CCDC85A: variants seen among roughly 807,000 people sequenced by gnomAD.
CCDC85A encodes the protein coiled-coil domain-containing protein 85A.
In CCDC85A, 38 loss-of-function variants were observed where a neutral mutation model predicts 50.2. The observed-to-expected ratio is 0.76, with a 90% confidence interval of 0.58 to 0.99. The LOEUF (loss-of-function observed/expected upper bound fraction) is 0.99. Ranked by LOEUF, CCDC85A falls within the 50% of genes least tolerant of loss-of-function variation. The pLI is 0.00. For synonymous variants in CCDC85A, 366 were observed against 301.4 expected (o/e 1.21, Z -2.22); for missense variants, 820 against 742.0 (o/e 1.11, Z -1.22).
chr2:56,352,445 G>T (rs773286544), intron 3 of CCDC85A, among the ~76,000 whole-genome samples: 4 of 152,056 alleles, frequency 2.6e-5, no homozygotes, highest in Non-Finnish European at 5.9e-5. Context: ...TCCCTGGTTC[G>T]AGTGATTCTC....
Position 56,184,541 on chromosome 2 carries a change from G to A in CCDC85A, c.-84G>A, listed in dbSNP as rs1675907579. 4 of 1,334,580 alleles carry A rather than the reference G, an allele frequency of 3.0e-6. No individual in the cohort carries two copies. Among genetic ancestry groups the A allele is most frequent in the Non-Finnish European group, 3.8e-6 (4 of 1,043,868 alleles). 82.7% of individuals were successfully genotyped at this position (1,334,580 alleles called of 1,614,324 possible). On this transcript the variant is annotated 5_prime_UTR_variant, in exon 1 of 6. Transcript: ENST00000407595. ...ACTCGCCGGAGCGCACAGGGGTGTGGGCGGAGGCGGCCTCGCCGCGCCCGC... is the reference window on the plus strand; with the variant it reads ...ACTCGCCGGAGCGCACAGGGGTGTGAGCGGAGGCGGCCTCGCCGCGCCCGC...
rs141057453 is a variant in CCDC85A, at chr2:56,353,772, T to C, written c.1317+10817T>C. Among the ~76,000 whole-genome samples the C allele has an allele frequency of 3.9e-3, 598 of 152,278 alleles. 6 individuals carry two copies. Among genetic ancestry groups the C allele is most frequent in the African/African-American group, 0.014 (564 of 41,572 alleles). ...TGTCCTTTAAATCCAGTGCAACATT[T>C]TGAAGAGAGCCAAAAACTAGGAACA... On this transcript the variant is annotated intron_variant, in intron 3 of 5. Coordinates refer to ENST00000407595, the MANE Select transcript of CCDC85A (RefSeq NM_001080433.2).
chr2:56,297,168 C>A (rs545808559), intron 2 of CCDC85A, among the ~76,000 whole-genome samples: 1 of 152,088 alleles, frequency 6.6e-6, no homozygotes, highest in African/African-American at 2.4e-5. Flanking sequence ...AAGTGCATTA[C>A]AAATGCTTCC....
At chr2:56,333,914 C>G (rs919934947) in intron 2 of CCDC85A, among the ~76,000 whole-genome samples, 1 of 152,202 alleles carries the variant, frequency 6.6e-6, no homozygotes, top group Non-Finnish European at 1.5e-5. Context: ...ATTCCTGTCT[C>G]AAGCTGCTGT....
intron 2 of CCDC85A, among the ~76,000 whole-genome samples, chr2:56,246,007 C>T: frequency 6.6e-6 from 1 of 152,210 alleles, no homozygotes; most frequent in East Asian, 1.9e-4. Context: ...TCGCTGCAAC[C>T]TCCACCTCCT....
At chr2:56,273,120 AG>A (rs1248712813) in intron 2 of CCDC85A, among the ~76,000 whole-genome samples, 1 of 152,176 alleles carries the variant, frequency 6.6e-6, no homozygotes, top group Non-Finnish European at 1.5e-5. Context: ...AAAAATTCAA[AG>A]GAAAGTTTGG....
At chr2:56,235,168 T>C (rs1194487837) in intron 2 of CCDC85A, 7 of 152,136 alleles carry the variant, frequency 4.6e-5, no homozygotes, top group Admixed American at 2.6e-4. Flanking sequence ...TTATCCCTAA[T>C]CTGCAAGCTT....
Position 56,373,338 on chromosome 2 carries a change from A to G in CCDC85A, c.1452+860A>G, listed in dbSNP as rs537575402. Reference sequence around the variant, plus strand: ...CACTGTATACTCCAGGCAAAATACTATTGTAGCCCCCATCCCATTTTTTAA... The same window carrying G: ...CACTGTATACTCCAGGCAAAATACTGTTGTAGCCCCCATCCCATTTTTTAA... On this transcript the variant is annotated intron_variant, in intron 4 of 5. Transcript: ENST00000407595. 2.0e-5 allele frequency among the ~76,000 whole-genome samples: 3 copies of G among 152,090 alleles called. No individual in the cohort carries two copies. In the South Asian group the frequency reaches 6.2e-4, roughly 32 times the overall value.
chr2:56,304,609 A>C (rs1418095071), intron 2 of CCDC85A, among the ~76,000 whole-genome samples: 1 of 152,206 alleles, frequency 6.6e-6, no homozygotes, highest in Non-Finnish European at 1.5e-5. Context: ...GAAATATTGA[A>C]ATAGTAAATG....
intron 2 of CCDC85A, among the ~76,000 whole-genome samples, chr2:56,293,373 C>A (rs1056260294): frequency 2.6e-5 from 4 of 152,146 alleles, no homozygotes; most frequent in African/African-American, 9.7e-5. Context: ...ACTATAAAAA[C>A]CCTAGAGGAA....
chr2:56,331,827 C>T (rs772173648), intron 2 of CCDC85A, among the ~76,000 whole-genome samples: 2 of 152,290 alleles, frequency 1.3e-5, no homozygotes, highest in South Asian at 2.1e-4. Flanking sequence ...TTTCAGCCTT[C>T]GTTATAATTA....
At chr2:56,317,561 G>A (rs1212640439) in intron 2 of CCDC85A, among the ~76,000 whole-genome samples, 3 of 151,992 alleles carry the variant, frequency 2.0e-5, no homozygotes, top group Non-Finnish European at 4.4e-5. Flanking sequence ...CTCATTAAGA[G>A]GAAATTTCAC....
intron 2 of CCDC85A, among the ~76,000 whole-genome samples, chr2:56,254,709 A>G (rs960179860): frequency 3.9e-5 from 6 of 152,338 alleles, no homozygotes; most frequent in Admixed American, 3.9e-4. Context: ...CTATAAGGGA[A>G]AAATATAGGT....
chr2:56,295,212 C>G (rs1303793959), intron 2 of CCDC85A, among the ~76,000 whole-genome samples: 1 of 152,104 alleles, frequency 6.6e-6, no homozygotes, highest in African/African-American at 2.4e-5. Flanking sequence ...CTCAGAGCTT[C>G]AAAGAAAGAG....
intron 2 of CCDC85A, among the ~76,000 whole-genome samples, chr2:56,242,722 C>T (rs1669317236): frequency 6.6e-6 from 1 of 152,092 alleles, no homozygotes; most frequent in Non-Finnish European, 1.5e-5. Context: ...ATTGTCTTTT[C>T]ATTTTGTTGA....
chr2:56,247,270 A>C (rs890939246), intron 2 of CCDC85A, among the ~76,000 whole-genome samples: 2 of 152,226 alleles, frequency 1.3e-5, no homozygotes, highest in Admixed American at 6.5e-5. Context: ...GAGTAATAGT[A>C]ACCCTCTCAT....
At chr2:56,327,907 G>A (rs1673560577) in intron 2 of CCDC85A, among the ~76,000 whole-genome samples, 2 of 150,104 alleles carry the variant, frequency 1.3e-5, no homozygotes, top group Admixed American at 1.3e-4. Flanking sequence ...TTTACTGAAT[G>A]CCTGCTCTGT....
chr2:56,230,668 A>T (rs894739427), intron 2 of CCDC85A, among the ~76,000 whole-genome samples: 3 of 152,228 alleles, frequency 2.0e-5, no homozygotes, highest in Non-Finnish European at 4.4e-5. Flanking sequence ...ATTTAAAAAA[A>T]TTCTCTGTGT....
At chr2:56,362,754 G>T (rs1331574724) in intron 3 of CCDC85A, among the ~76,000 whole-genome samples, 1 of 152,104 alleles carries the variant, frequency 6.6e-6, no homozygotes, top group Non-Finnish European at 1.5e-5. Flanking sequence ...GAGTAGCTGG[G>T]ATTACAGGCA....
Sources: allele counts gnomAD v4.1 joint callset (sites outside exome capture counted in the v4.1 genomes callset), GRCh38; gene constraint gnomAD v4.1.1; transcripts MANE v1.5; gene names NCBI Gene and HGNC (gene_info 2026-07-23, HGNC 2026-07-21).